NBAS: variants seen among roughly 807,000 people sequenced by gnomAD.
NBAS encodes NAG/BC035112 fusion.
In NBAS, 219 loss-of-function variants were observed where a neutral mutation model predicts 302.5. The observed-to-expected ratio is 0.72, with a 90% CI of 0.65 to 0.81. The LOEUF is 0.81. NBAS is among the 30% of genes least tolerant of loss of function. The pLI is 0.00. For missense variants in NBAS, 2,932 were observed against 2,841.6 expected (o/e 1.03, Z -0.72); for synonymous variants, 1,118 against 1,021.6 (o/e 1.09, Z -1.80).
chr2:15,089,924 T>C, the NBAS span, among the ~76,000 whole-genome samples: 1 of 151,860 alleles, frequency 6.6e-6, no homozygotes, highest in East Asian at 1.9e-4. Flanking sequence ...AATTTTTGTA[T>C]TTTTTAGTAG....
At chr2:15,051,129 T>A in the NBAS span, among the ~76,000 whole-genome samples, 1 of 151,590 alleles carries the variant, frequency 6.6e-6, no homozygotes, top group Non-Finnish European at 1.5e-5. Flanking sequence ...GAATCAATTA[T>A]GGAGGATGCA....
chr2:14,834,023 A>G, the NBAS span, among the ~76,000 whole-genome samples: 28 of 152,162 alleles, frequency 1.8e-4, no homozygotes, highest in Admixed American at 1.8e-3. Context: ...AAAATCAATA[A>G]TCAAGTCACC....
intron 21 of NBAS, among the ~76,000 whole-genome samples, chr2:15,439,801 A>C (rs922367026): frequency 6.6e-5 from 10 of 152,340 alleles, no homozygotes; most frequent in African/African-American, 2.4e-4. Flanking sequence ...TCACTCCCAC[A>C]CGAATACTGC....
At chr2:15,249,875 C>T (rs1190389908) in intron 44 of NBAS, among the ~76,000 whole-genome samples, 1 of 152,066 alleles carries the variant, frequency 6.6e-6, no homozygotes, top group East Asian at 1.9e-4. Context: ...TGAAAATGGC[C>T]ATACTGATGC....
At chr2:14,834,748 C>T in the NBAS span, among the ~76,000 whole-genome samples, 4 of 152,026 alleles carry the variant, frequency 2.6e-5, no homozygotes, top group African/African-American at 9.7e-5. Flanking sequence ...GAAGCAAGGA[C>T]TGTGGGAGAG....
chr2:14,814,932 G>A, the NBAS span, among the ~76,000 whole-genome samples: 458 of 152,284 alleles, frequency 3.0e-3, 3 homozygotes, highest in African/African-American at 0.011. Flanking sequence ...CCCTAGTGCT[G>A]TCTTGTGATA....
chr2:15,005,993 A>T, the NBAS span, among the ~76,000 whole-genome samples: 35 of 152,360 alleles, frequency 2.3e-4, no homozygotes, highest in African/African-American at 8.2e-4. Flanking sequence ...ACCAGTTTGA[A>T]GCCAATCCAA....
chr2:15,356,402 C>T lies in NBAS; in HGVS notation c.3832G>A (p.Glu1278Lys). 3 of 1,613,736 alleles carry T rather than the reference C, an allele frequency of 1.9e-6. No individual in the cohort carries two copies. The highest frequency in any genetic ancestry group is 2.5e-6 in the Non-Finnish European group (3 of 1,179,700). The change falls in exon 33 of 52, where the codon GAA becomes AAA. Residue 1278 changes from glutamate to lysine, a missense_variant. Physicochemically the swap from Glu to Lys is moderately conservative, Grantham distance 56. Transcript: ENST00000281513. ...LLRVAGENPEERRGQVLILLV... is the reference protein window; with the variant it reads ...LLRVAGENPEKRRGQVLILLV... ...AGGATTAGAACCTGTCCCCGCCTTTCTTCTGGGTTCTCACCTGTAAGTCCA... is the reference window on the plus strand; with the variant it reads ...AGGATTAGAACCTGTCCCCGCCTTTTTTCTGGGTTCTCACCTGTAAGTCCA...
At chr2:15,099,231 G>T in the NBAS span, among the ~76,000 whole-genome samples, 1 of 151,996 alleles carries the variant, frequency 6.6e-6, no homozygotes, top group Non-Finnish European at 1.5e-5. Context: ...TGAATGCAAA[G>T]GTTGCAGTGA....
the NBAS span, among the ~76,000 whole-genome samples, chr2:15,081,896 G>A: frequency 6.6e-6 from 1 of 152,214 alleles, no homozygotes; most frequent in African/African-American, 2.4e-5. Context: ...CTGGAGTCAG[G>A]CACATGTGGG....
chr2:15,326,630 T>A (rs982386820), intron 38 of NBAS, among the ~76,000 whole-genome samples: 1 of 152,150 alleles, frequency 6.6e-6, no homozygotes, highest in Non-Finnish European at 1.5e-5. Flanking sequence ...TCAACTGTAA[T>A]TGTAATATGT....
the NBAS span, among the ~76,000 whole-genome samples, chr2:14,806,640 C>T: frequency 5.3e-5 from 8 of 152,088 alleles, no homozygotes; most frequent in Non-Finnish European, 8.8e-5. Flanking sequence ...CATTCACCCC[C>T]GAAAACCCAA....
intron 21 of NBAS, among the ~76,000 whole-genome samples, chr2:15,449,882 G>GT (rs1264391218): frequency 6.6e-6 from 1 of 152,112 alleles, no homozygotes; most frequent in African/African-American, 2.4e-5. Context: ...CCATTTTATT[G>GT]TTTTTTCCTC....
At chr2:15,293,598 T>C (rs1035451891) in intron 40 of NBAS, among the ~76,000 whole-genome samples, 1 of 151,804 alleles carries the variant, frequency 6.6e-6, no homozygotes. Context: ...ATTAATTCAA[T>C]CCATCCCAAT....
chr2:14,820,954 G>T, the NBAS span, among the ~76,000 whole-genome samples: 1 of 151,508 alleles, frequency 6.6e-6, no homozygotes, highest in African/African-American at 2.4e-5. Context: ...TTCCGAGACG[G>T]AGTCTTGCTC....
chr2:15,363,586 T>C (rs1216871898), intron 32 of NBAS, among the ~76,000 whole-genome samples: 1 of 152,206 alleles, frequency 6.6e-6, no homozygotes, highest in African/African-American at 2.4e-5. Context: ...TCCTCAGTAA[T>C]TATTTAACTT....
chr2:15,372,380 G>C (rs982590559), intron 31 of NBAS, among the ~76,000 whole-genome samples: 2 of 152,152 alleles, frequency 1.3e-5, no homozygotes, highest in African/African-American at 4.8e-5. Flanking sequence ...AGAACTGCTA[G>C]CCTTTACTTG....
chr2:15,079,279 T>C, the NBAS span, among the ~76,000 whole-genome samples: 1 of 152,290 alleles, frequency 6.6e-6, no homozygotes. Flanking sequence ...CACTAACTAG[T>C]CGTGTGGGCT....
the NBAS span, among the ~76,000 whole-genome samples, chr2:15,024,054 G>T: frequency 1.3e-5 from 2 of 151,952 alleles, no homozygotes; most frequent in Non-Finnish European, 2.9e-5. Context: ...TTGGCATACA[G>T]ATTATTTTGT....
Sources: gnomAD v4.1 joint callset for allele counts (sites outside exome capture counted in the v4.1 genomes callset) on GRCh38, gnomAD v4.1.1 for gene constraint, MANE v1.5 for transcripts, NCBI Gene and HGNC (gene_info 2026-07-23, HGNC 2026-07-21) for gene names.